NEK6: variants seen among roughly 807,000 people sequenced by gnomAD.
NEK6 encodes serine/threonine-protein kinase Nek6.
Under a neutral mutation model 43.5 loss-of-function variants are expected in NEK6, and 27 were observed. That is an observed-to-expected ratio of 0.62 (90% CI 0.46 to 0.86). The LOEUF (loss-of-function observed/expected upper bound fraction) is 0.86. Among genes scored for constraint, NEK6 ranks in the 40% least tolerant of loss-of-function variants. NEK6 has a pLI of 0.00. For synonymous variants in NEK6, 167 were observed against 164.1 expected (o/e 1.02, Z -0.14); for missense variants, 318 against 414.4 (o/e 0.77, Z 2.02).
intron 1 of NEK6, among the ~76,000 whole-genome samples, chr9:124,281,480 GTTTTTTCTTTTTTTT>G (rs1831902660): frequency 8.7e-6 from 1 of 114,858 alleles, no homozygotes; most frequent in East Asian, 2.9e-4. Context: ...CATGTCAGCT[GTTTTTTCTTTTTTTT>G]TTTTTTTTTT....
At chr9:124,277,751 C>T (rs1418760636) in intron 1 of NEK6, among the ~76,000 whole-genome samples, 2 of 152,218 alleles carry the variant, frequency 1.3e-5, no homozygotes, top group Non-Finnish European at 2.9e-5. Context: ...GAGAGAGGCC[C>T]GCGTTCACGG....
At chr9:124,284,838 T>C (rs1370571764) in intron 1 of NEK6, among the ~76,000 whole-genome samples, 1 of 152,196 alleles carries the variant, frequency 6.6e-6, no homozygotes. Flanking sequence ...CTGGCACCAG[T>C]GTTCAAGCCC....
intron 1 of NEK6, among the ~76,000 whole-genome samples, chr9:124,296,574 GAC>G (rs1832699035): frequency 6.6e-6 from 1 of 152,188 alleles, no homozygotes; most frequent in Non-Finnish European, 1.5e-5. Context: ...AGGCAGGCAG[GAC>G]ACACACCGTT....
chr9:124,334,510 C>T lies in NEK6; in HGVS notation c.623-5061C>T, dbSNP rs537674896. Among the ~76,000 whole-genome samples the T allele has an allele frequency of 2.9e-4, 44 of 152,352 alleles. 4 individuals carry two copies. The highest frequency in any genetic ancestry group is 2.7e-3 in the South Asian group (13 of 4,826). ...GACGGAGGGCTGGTGCCCCCAATCT[C>T]TCTCTGCCCACGTGCCCAGGCTTTC... is the stretch of plus-strand genomic sequence containing the variant. On this transcript the variant is annotated intron_variant, in intron 7 of 9. Coordinates refer to ENST00000320246, the MANE Select transcript of NEK6 (RefSeq NM_014397.6).
intron 8 of NEK6, among the ~76,000 whole-genome samples, chr9:124,345,085 G>C (rs1201925864): frequency 6.6e-6 from 1 of 152,216 alleles, no homozygotes; most frequent in African/African-American, 2.4e-5. Flanking sequence ...GTGGGGGCCA[G>C]GGCCCACCCA....
intron 8 of NEK6, among the ~76,000 whole-genome samples, chr9:124,344,487 C>T (rs1829813943): frequency 6.6e-6 from 1 of 152,218 alleles, no homozygotes; most frequent in Non-Finnish European, 1.5e-5. Flanking sequence ...CTTGAAGAGG[C>T]TGGAATCAGG....
upstream of NEK6, chr9:124,257,869 C>A: frequency 9.7e-7 from 1 of 1,035,524 alleles, no homozygotes; most frequent in Non-Finnish European, 1.2e-6. Flanking sequence ...GCTTGCGTGG[C>A]GGCAGCGCGC....
At chr9:124,289,043 C>T (rs1316853245) in intron 1 of NEK6, among the ~76,000 whole-genome samples, 1 of 152,058 alleles carries the variant, frequency 6.6e-6, no homozygotes, top group Non-Finnish European at 1.5e-5. Flanking sequence ...TGCAGTGGCA[C>T]AATACTAGCT....
intron 2 of NEK6, among the ~76,000 whole-genome samples, chr9:124,302,521 A>G (rs966713798): frequency 6.6e-6 from 1 of 152,186 alleles, no homozygotes; most frequent in Admixed American, 6.5e-5. Flanking sequence ...GAACCAGCAG[A>G]GTTTGGGAGA....
At chr9:124,277,137 T>C (rs981227672) in intron 1 of NEK6, among the ~76,000 whole-genome samples, 37 of 152,138 alleles carry the variant, frequency 2.4e-4, no homozygotes, top group Non-Finnish European at 3.4e-4. Context: ...GAGGCCGCAC[T>C]TCCACCCAAA....
At chr9:124,338,995 C>T (rs941988035) in intron 7 of NEK6, among the ~76,000 whole-genome samples, 3 of 150,662 alleles carry the variant, frequency 2.0e-5, no homozygotes, top group Admixed American at 6.6e-5. Flanking sequence ...AAACACCAAC[C>T]CCCAGCTCTC....
intron 1 of NEK6, among the ~76,000 whole-genome samples, chr9:124,261,869 GC>G (rs1411823633): frequency 2.0e-5 from 3 of 152,206 alleles, no homozygotes; most frequent in Non-Finnish European, 2.9e-5. Context: ...CGAAGGCTCA[GC>G]CACATTTCTG....
chr9:124,326,202 T>TCACCCCCCCCCC lies in NEK6; in HGVS notation c.406-127_406-126insACCCCCCCCCCC. On this transcript the variant is annotated intron_variant, in intron 5 of 9. Coordinates refer to ENST00000320246, the MANE Select transcript of NEK6 (RefSeq NM_014397.6). The surrounding 1 kb of genome is among the most constrained non-coding windows in gnomAD (Gnocchi z 4.5). ...GCTTATTGTTTGCTCAGTGGCTCAATCCCCCCCCCCCGCCCCTGCCAGGCA... is the reference window on the plus strand; with the variant it reads ...GCTTATTGTTTGCTCAGTGGCTCAATCACCCCCCCCCCCCCCCCCCCCCGCCCCTGCCAGGCA... 1.6e-5 allele frequency: 2 copies of TCACCCCCCCCCC among 124,050 alleles called. No individual in the cohort carries two copies. The highest frequency in any genetic ancestry group is 4.0e-5 in the Non-Finnish European group (2 of 50,618). 7.7% of individuals were successfully genotyped at this position (124,050 alleles called of 1,614,324 possible).
At chr9:124,282,107 GA>G (rs1284115740) in intron 1 of NEK6, among the ~76,000 whole-genome samples, 1 of 152,238 alleles carries the variant, frequency 6.6e-6, no homozygotes, top group African/African-American at 2.4e-5. Context: ...CTGGGTGCTT[GA>G]AAACAATAGA....
At chr9:124,293,943 C>T (rs1422496911) in intron 1 of NEK6, among the ~76,000 whole-genome samples, 3 of 152,224 alleles carry the variant, frequency 2.0e-5, no homozygotes, top group Non-Finnish European at 4.4e-5. Context: ...CCTTGGTGCC[C>T]CCTGGCTGCC....
At chr9:124,323,476 G>A (rs557576484) in intron 5 of NEK6, among the ~76,000 whole-genome samples, 2 of 152,318 alleles carry the variant, frequency 1.3e-5, no homozygotes, top group Non-Finnish European at 2.9e-5. Context: ...GAGGCCGGGT[G>A]GAAGGAGAGG....
chr9:124,298,608 C>T (rs1008303147), intron 1 of NEK6, among the ~76,000 whole-genome samples: 13 of 152,086 alleles, frequency 8.5e-5, no homozygotes, highest in Non-Finnish European at 1.8e-4. Flanking sequence ...AGGGCCCATT[C>T]GGGGTGGAGC....
At chr9:124,260,228 A>G (rs941520218) in intron 1 of NEK6, among the ~76,000 whole-genome samples, 2 of 152,256 alleles carry the variant, frequency 1.3e-5, no homozygotes, top group Non-Finnish European at 2.9e-5. Context: ...TAAGGTGCAC[A>G]GACCTAGTGC....
chr9:124,297,222 A>G (rs1313202150), intron 1 of NEK6, among the ~76,000 whole-genome samples: 1 of 152,160 alleles, frequency 6.6e-6, no homozygotes, highest in Non-Finnish European at 1.5e-5. Context: ...CTCAGGCCCC[A>G]TGTCTGTCAC....
Sources: gnomAD v4.1 joint callset for allele counts (sites outside exome capture counted in the v4.1 genomes callset) on GRCh38, gnomAD v4.1.1 for gene constraint, Gnocchi (gnomAD v3.1) non-coding constraint, MANE v1.5 for transcripts, NCBI Gene and HGNC (gene_info 2026-07-23, HGNC 2026-07-21) for gene names.